Variants in USH2A observed in about 807,000 individuals in gnomAD.
USH2A encodes usherin, also known as Usher syndrome 2A (autosomal recessive, mild).
USH2A carries 443 observed loss-of-function variants against 538.9 expected under a neutral mutation model. That is an observed-to-expected ratio of 0.82 (90% CI 0.76 to 0.89). The LOEUF is 0.89. Among genes scored for constraint, USH2A ranks in the 40% least tolerant of loss-of-function variants. The probability of loss-of-function intolerance (pLI) is 0.00; values close to 1 mark genes in which losing one functional copy is unlikely to be tolerated. For missense variants in USH2A, 6,633 were observed against 6,324.8 expected (o/e 1.05, Z -1.65); for synonymous variants, 2,413 against 2,273.5 (o/e 1.06, Z -1.75).
intron 3 of USH2A, among the ~76,000 whole-genome samples, chr1:216,405,067 G>A (rs1558073969): frequency 6.6e-6 from 1 of 152,172 alleles, no homozygotes; most frequent in Non-Finnish European, 1.5e-5. Flanking sequence ...AGGTGCCCAG[G>A]CTGGTCTCGA....
At chr1:215,895,360 A>T (rs1261860922) in intron 40 of USH2A, among the ~76,000 whole-genome samples, 2 of 152,200 alleles carry the variant, frequency 1.3e-5, no homozygotes, top group African/African-American at 4.8e-5. Context: ...GGGGATATTG[A>T]TGATTCACTA....
chr1:216,365,562 C>T (rs182739657), intron 3 of USH2A, among the ~76,000 whole-genome samples: 65 of 152,108 alleles, frequency 4.3e-4, no homozygotes, highest in Non-Finnish European at 8.2e-4. Context: ...TATTGGTATC[C>T]GGTTGGTGAT....
intron 41 of USH2A, among the ~76,000 whole-genome samples, chr1:215,886,312 G>A (rs1665054552): frequency 6.6e-6 from 1 of 152,156 alleles, no homozygotes; most frequent in Non-Finnish European, 1.5e-5. Context: ...TTGTTTAGCT[G>A]TCATATACCT....
At chr1:216,290,991 C>T (rs1381457360) in intron 10 of USH2A, among the ~76,000 whole-genome samples, 2 of 152,152 alleles carry the variant, frequency 1.3e-5, no homozygotes, top group Non-Finnish European at 2.9e-5. Flanking sequence ...CATTATTTCT[C>T]ACCTGGACTA....
chr1:216,026,043 G>A (rs1353655314), intron 32 of USH2A, among the ~76,000 whole-genome samples: 2 of 152,040 alleles, frequency 1.3e-5, no homozygotes, highest in African/African-American at 2.4e-5. Flanking sequence ...TGTGGTATAC[G>A]AGACAAACTT....
intron 14 of USH2A, among the ~76,000 whole-genome samples, chr1:216,230,171 T>A (rs2035648415): frequency 6.6e-6 from 1 of 152,128 alleles, no homozygotes; most frequent in African/African-American, 2.4e-5. Flanking sequence ...TGGTCAGAAC[T>A]ATGAAAAAGA....
intron 37 of USH2A, 45 bp downstream of exon 37, chr1:215,965,272 T>C (rs201417847): frequency 6.4e-7 from 1 of 1,563,690 alleles, no homozygotes; most frequent in East Asian, 2.2e-5. Context: ...AAAAATGAGT[T>C]GTTTTCTAAT....
chr1:216,394,716 C>CTTT (rs2102751222), intron 3 of USH2A, among the ~76,000 whole-genome samples: 1 of 66,008 alleles, frequency 1.5e-5, no homozygotes, highest in Non-Finnish European at 3.6e-5. Flanking sequence ...ATAACTGGTC[C>CTTT]AGTCTTTTTT....
chr1:216,098,075 C>A (rs1477372084), intron 21 of USH2A, among the ~76,000 whole-genome samples: 1 of 151,412 alleles, frequency 6.6e-6, no homozygotes, highest in Non-Finnish European at 1.5e-5. Context: ...CGTTACATGG[C>A]CCCATCTCCA....
chr1:216,398,866 GA>G (rs1239461855), intron 3 of USH2A, among the ~76,000 whole-genome samples: 2 of 152,182 alleles, frequency 1.3e-5, no homozygotes, highest in African/African-American at 4.8e-5. Flanking sequence ...TGGTTTTGAT[GA>G]GACCAAATAA....
chr1:216,386,656 C>T (rs1376665658), intron 3 of USH2A, among the ~76,000 whole-genome samples: 1 of 150,788 alleles, frequency 6.6e-6, no homozygotes, highest in Admixed American at 6.6e-5. Context: ...GAGATCGAGA[C>T]CATCCTGGCT....
At chr1:215,754,091 A>G (rs1660712830) in intron 58 of USH2A, among the ~76,000 whole-genome samples, 1 of 152,174 alleles carries the variant, frequency 6.6e-6, no homozygotes. Flanking sequence ...TACTTTTTTG[A>G]GATTCGAATT....
intron 30 of USH2A, among the ~76,000 whole-genome samples, chr1:216,052,938 G>T (rs191282122): frequency 9.7e-4 from 148 of 152,230 alleles, no homozygotes; most frequent in African/African-American, 3.4e-3. Context: ...TAAGTGTCAG[G>T]GTTCTACTTA....
Position 216,289,195 on chromosome 1 carries a change from C to T in USH2A, c.1971+85G>A, listed in dbSNP as rs12123574. 13,144 of 1,596,386 alleles carry T rather than the reference C, an allele frequency of 8.2e-3. 100 individuals are homozygous for T. Among genetic ancestry groups the T allele is most frequent in the Non-Finnish European group, 8.8e-3 (10,296 of 1,166,442 alleles). On this transcript the variant is annotated intron_variant, in intron 11 of 71. Coordinates refer to ENST00000307340, the MANE Select transcript of USH2A (RefSeq NM_206933.4). ...TAGAGGATTTCCTGGCAAATGCAGT[C>T]TTCAATTCTACTAGTGGAATAACAT...
intron 55 of USH2A, among the ~76,000 whole-genome samples, chr1:215,772,663 G>T (rs1661324865): frequency 6.6e-6 from 1 of 152,164 alleles, no homozygotes; most frequent in African/African-American, 2.4e-5. Context: ...ATAAAGAACA[G>T]CTTGCTTCCA....
chr1:215,753,603 T>C (rs533602874), intron 58 of USH2A, among the ~76,000 whole-genome samples: 249 of 152,122 alleles, frequency 1.6e-3, no homozygotes, highest in African/African-American at 5.5e-3. Context: ...TAGGTGGGAA[T>C]TGAACAATGA....
chr1:216,289,356 G>A lies in USH2A; in HGVS notation c.1895C>T (p.Pro632Leu). The change falls in exon 11 of 72, where the codon CCT (proline) becomes CTT (leucine). Residue 632 changes from proline (P) to leucine (L), a missense_variant. Transcript: ENST00000307340. ...DYFFRQVGADPSAIDVCKPCD... is the reference protein window; with the variant it reads ...DYFFRQVGADLSAIDVCKPCD... ...GGGTTTGCAAACATCTATGGCCGAA[G>A]GATCTGCACCAACTTGTCGGAAAAA... The A allele has an allele frequency of 6.2e-7, 1 of 1,613,958 alleles. No individual in the cohort carries two copies. The highest frequency in any genetic ancestry group is 1.7e-5 in the Admixed American group (1 of 60,020).
In USH2A at chr1:216,217,375, G is replaced by A. The variant is rs199853422; in HGVS notation, c.3157+12C>T. The A allele has an allele frequency of 1.4e-4, 233 of 1,612,552 alleles. No individual in the cohort carries two copies. In the African/African-American group the frequency reaches 2.8e-3, roughly 19 times the overall value. On this transcript the variant is annotated intron_variant, in intron 15 of 71. Coordinates refer to ENST00000307340, the MANE Select transcript of USH2A (RefSeq NM_206933.4). ...TGCTTCACACACCAGCACTGAACCA[G>A]AGTTCACTTACTTTTGCTGCAACCC...
At chr1:215,631,809 G>A (rs750324697) in intron 70 of USH2A, among the ~76,000 whole-genome samples, 3 of 152,178 alleles carry the variant, frequency 2.0e-5, no homozygotes, top group Non-Finnish European at 2.9e-5. Flanking sequence ...GCATTTCCCC[G>A]ATGGTAAAGG....
Sources: allele counts gnomAD v4.1 joint callset (sites outside exome capture counted in the v4.1 genomes callset), GRCh38; gene constraint gnomAD v4.1.1; transcripts MANE v1.5; gene names NCBI Gene and HGNC (gene_info 2026-07-23, HGNC 2026-07-21).